CCDC126: variants seen among roughly 807,000 people sequenced by gnomAD.
The protein encoded by CCDC126 is coiled-coil domain containing 126, also known as coiled-coil domain-containing protein 126.
CCDC126 carries 5 observed loss-of-function variants against 11.7 expected under a neutral mutation model. The ratio of observed to expected loss-of-function variants is 0.43; its 90% CI spans 0.22 to 0.90. The LOEUF (loss-of-function observed/expected upper bound fraction) is 0.90. Ranked by LOEUF, CCDC126 falls within the 40% of genes least tolerant of loss-of-function variation. The probability of loss-of-function intolerance (pLI) is 0.27; values close to 1 mark genes in which losing one functional copy is unlikely to be tolerated. For missense variants in CCDC126, 150 were observed against 163.1 expected (o/e 0.92, Z 0.44); for synonymous variants, 60 against 61.9 (o/e 0.97, Z 0.14).
intron 3 of CCDC126, among the ~76,000 whole-genome samples, chr7:23,635,722 CCTGA>C (rs1163516746): frequency 2.6e-5 from 4 of 152,184 alleles, no homozygotes; most frequent in East Asian, 3.9e-4. Context: ...TCTCATTTAT[CCTGA>C]CTTTTTCTTT....
chr7:23,609,876 T>C (rs1177687000), intron 2 of CCDC126, among the ~76,000 whole-genome samples: 2 of 152,088 alleles, frequency 1.3e-5, no homozygotes, highest in African/African-American at 4.8e-5. Context: ...AATAAATAAA[T>C]AAATACAATT....
At chr7:23,630,390 TC>T (rs1292234577) in intron 3 of CCDC126, among the ~76,000 whole-genome samples, 4 of 152,054 alleles carry the variant, frequency 2.6e-5, no homozygotes, top group Non-Finnish European at 5.9e-5. Context: ...TTCCAGCTAC[TC>T]AGGAGGCTGA....
intron 3 of CCDC126, among the ~76,000 whole-genome samples, chr7:23,632,733 A>T (rs1306713055): frequency 6.6e-6 from 1 of 152,214 alleles, no homozygotes; most frequent in Admixed American, 6.5e-5. Context: ...TTAAGGAAAA[A>T]ACCCAAAGCC....
chr7:23,610,452 G>T (rs191463811), intron 2 of CCDC126, among the ~76,000 whole-genome samples: 268 of 152,266 alleles, frequency 1.8e-3, no homozygotes, highest in African/African-American at 6.0e-3. Flanking sequence ...GGGCTCTAGG[G>T]ATACTCCCAC....
intron 2 of CCDC126, among the ~76,000 whole-genome samples, chr7:23,606,765 T>G (rs766116723): frequency 1.3e-5 from 2 of 152,170 alleles, no homozygotes; most frequent in Non-Finnish European, 2.9e-5. Context: ...TGATGATGAT[T>G]ATTTTATTTT....
intron 3 of CCDC126, among the ~76,000 whole-genome samples, chr7:23,630,689 A>AT (rs1389107010): frequency 7.6e-6 from 1 of 132,184 alleles, no homozygotes; most frequent in Non-Finnish European, 1.6e-5. Context: ...GCTGCACTCT[A>AT]GCCTAGGTGA....
chr7:23,643,599 T>G lies in CCDC126; in HGVS notation c.*484T>G, dbSNP rs1783404745. 6.5e-6 allele frequency: 1 copy of G among 152,850 alleles called. No individual in the cohort carries two copies. Among genetic ancestry groups the G allele is most frequent in the Non-Finnish European group, 1.5e-5 (1 of 68,196 alleles). 9.5% of individuals were successfully genotyped at this position (152,850 alleles called of 1,614,324 possible). A position where few individuals can be genotyped will look rare whatever the true frequency, so the allele number is the denominator to read the frequency against. Reference sequence around the variant, plus strand: ...ATTGTACTATATTTTGTTATTCCAATTATGAGCAGAGAAAGGAAATATAAT... The same window carrying G: ...ATTGTACTATATTTTGTTATTCCAAGTATGAGCAGAGAAAGGAAATATAAT... On this transcript the variant is annotated 3_prime_UTR_variant, in exon 4 of 4. Coordinates refer to ENST00000307471, the MANE Select transcript of CCDC126 (RefSeq NM_138771.4).
chr7:23,642,538 G>C (rs530051934), intron 3 of CCDC126, among the ~76,000 whole-genome samples: 1 of 151,994 alleles, frequency 6.6e-6, no homozygotes, highest in Non-Finnish European at 1.5e-5. Flanking sequence ...CGAGGAGTGC[G>C]GATCACCTGA....
At chr7:23,619,137 A>G (rs1304875454) in intron 3 of CCDC126, among the ~76,000 whole-genome samples, 1 of 152,158 alleles carries the variant, frequency 6.6e-6, no homozygotes, top group Non-Finnish European at 1.5e-5. Flanking sequence ...AATACATCTC[A>G]GATCTTCTGC....
At chr7:23,638,923 A>G (rs1783301011) in intron 3 of CCDC126, among the ~76,000 whole-genome samples, 1 of 148,318 alleles carries the variant, frequency 6.7e-6, no homozygotes, top group Admixed American at 6.8e-5. Flanking sequence ...TACTTCTTTT[A>G]ATATTATAAA....
chr7:23,598,372 C>T (rs751916515), intron 2 of CCDC126: 3 of 152,146 alleles, frequency 2.0e-5, no homozygotes, highest in African/African-American at 7.2e-5. Flanking sequence ...GTTTAATCAT[C>T]CTGGGTTGTG....
At chr7:23,626,060 T>G (rs1584209189) in intron 3 of CCDC126, among the ~76,000 whole-genome samples, 1 of 151,768 alleles carries the variant, frequency 6.6e-6, no homozygotes, top group South Asian at 2.1e-4. Flanking sequence ...TAAAATTTTA[T>G]GTAGTAAAAT....
At chr7:23,631,227 T>C (rs1161560617) in intron 3 of CCDC126, among the ~76,000 whole-genome samples, 1 of 151,516 alleles carries the variant, frequency 6.6e-6, no homozygotes, top group African/African-American at 2.4e-5. Context: ...TGTCCTTTAA[T>C]AGGGTCAAAA....
intron 3 of CCDC126, among the ~76,000 whole-genome samples, chr7:23,626,644 C>T (rs1321311214): frequency 6.6e-6 from 1 of 151,976 alleles, no homozygotes; most frequent in Admixed American, 6.6e-5. Context: ...CTTTTCTGCT[C>T]CTCTCCCTCC....
chr7:23,621,584 C>T (rs542020582), intron 3 of CCDC126, among the ~76,000 whole-genome samples: 1 of 152,170 alleles, frequency 6.6e-6, no homozygotes, highest in Non-Finnish European at 1.5e-5. Flanking sequence ...TTTCTCCTGC[C>T]TGATTGCCCT....
chr7:23,600,374 A>ACCCCC (rs35190673), intron 2 of CCDC126, among the ~76,000 whole-genome samples: 29 of 80,616 alleles, frequency 3.6e-4, no homozygotes, highest in African/African-American at 5.2e-4. Context: ...TTCTGTGTTA[A>ACCCCC]CCCCCCCCCC....
Position 23,611,546 on chromosome 7 carries a change from A to C in CCDC126, c.231A>C (p.Ala77=). 2 of 1,597,828 alleles carry C rather than the reference A, an allele frequency of 1.3e-6. No individual in the cohort carries two copies. The highest frequency in any genetic ancestry group is 1.7e-6 in the Non-Finnish European group (2 of 1,165,308). The change falls in exon 3 of 4, where the codon GCA becomes GCC. Residue 77 remains alanine (A), a synonymous_variant. Transcript: ENST00000307471. ...ATGTCGAGAACGGTGCTTCTATGGC[A>C]GGATATGGTAAGATAACCGTAGAAT... is the stretch of plus-strand genomic sequence containing the variant. ...TVDVENGASM[A]GYADLKRTIA...
At chr7:23,627,660 A>G (rs1305470329) in intron 3 of CCDC126, among the ~76,000 whole-genome samples, 1 of 151,856 alleles carries the variant, frequency 6.6e-6, no homozygotes, top group East Asian at 1.9e-4. Context: ...GTACAGTGGC[A>G]CGATCATGGC....
intron 2 of CCDC126, among the ~76,000 whole-genome samples, chr7:23,607,703 C>T (rs572860941): frequency 6.6e-6 from 1 of 152,282 alleles, no homozygotes; most frequent in Non-Finnish European, 1.5e-5. Flanking sequence ...GTTTCCTCTT[C>T]ACTTTACTTC....
Sources: gnomAD v4.1 joint callset for allele counts (sites outside exome capture counted in the v4.1 genomes callset) on GRCh38, gnomAD v4.1.1 for gene constraint, MANE v1.5 for transcripts, NCBI Gene and HGNC (gene_info 2026-07-23, HGNC 2026-07-21) for gene names.